Variants in ZFHX3 observed in about 807,000 individuals in gnomAD.
The protein encoded by ZFHX3 is zinc finger homeobox 3.
Under a neutral mutation model 279.1 loss-of-function variants are expected in ZFHX3, and 42 were observed. The ratio of observed to expected loss-of-function variants is 0.15; its 90% confidence interval spans 0.12 to 0.19. ZFHX3 has a LOEUF of 0.19. Among genes scored for constraint, ZFHX3 ranks in the 10% least tolerant of loss-of-function variants. ZFHX3 has a pLI of 1.00. For synonymous variants in ZFHX3, 2,293 were observed against 1,957.8 expected (o/e 1.17, Z -4.52); for missense variants, 4,981 against 4,754.0 (o/e 1.05, Z -1.40).
chr16:73,196,707 A>G (rs1968156462), intron 5 of ZFHX3, among the ~76,000 whole-genome samples: 1 of 152,194 alleles, frequency 6.6e-6, no homozygotes, highest in African/African-American at 2.4e-5. Context: ...TCCACTCCTT[A>G]TAATGACATC....
chr16:73,690,608 C>T (rs539307409), intron 1 of ZFHX3, among the ~76,000 whole-genome samples: 16 of 152,322 alleles, frequency 1.1e-4, no homozygotes, highest in African/African-American at 3.8e-4. Context: ...GTGTCTATTT[C>T]TTCACCCCTT....
intron 3 of ZFHX3, among the ~76,000 whole-genome samples, chr16:73,413,632 C>G (rs2017513380): frequency 6.6e-6 from 1 of 152,190 alleles, no homozygotes; most frequent in Admixed American, 6.5e-5. Flanking sequence ...CTCAAGAACT[C>G]TCCCAGATCT....
chr16:73,859,409 G>A (rs1961823526), intron 1 of ZFHX3, among the ~76,000 whole-genome samples: 2 of 152,146 alleles, frequency 1.3e-5, no homozygotes. Flanking sequence ...CTTGACTCCT[G>A]TCTCTCTCTG....
chr16:73,850,851 A>G (rs1221183030), intron 1 of ZFHX3, among the ~76,000 whole-genome samples: 5 of 152,132 alleles, frequency 3.3e-5, no homozygotes, highest in Non-Finnish European at 1.5e-5. Flanking sequence ...TAACCAGTAA[A>G]AGAGACTCCA....
Position 73,649,465 on chromosome 16 carries a change from A to G in ZFHX3, c.-1547+30715T>C, listed in dbSNP as rs895252157. 1.1e-3 allele frequency among the ~76,000 whole-genome samples: 167 copies of G among 152,334 alleles called. 1 individual carries two copies. The highest frequency in any genetic ancestry group is 3.8e-3 in the African/African-American group (158 of 41,592). ...AAATACAGAGTGTGTATATGCATAA[A>G]GAGTTTGGAAGGATTTTCAAGTGAT... On this transcript the variant is annotated intron_variant, in intron 2 of 17. Transcript: ENST00000641206.
intron 4 of ZFHX3, among the ~76,000 whole-genome samples, chr16:72,832,731 C>A (rs1248979850): frequency 6.6e-6 from 1 of 151,848 alleles, no homozygotes; most frequent in African/African-American, 2.4e-5. Context: ...CCAGGACCTA[C>A]AGGTGTCGCC....
chr16:72,963,913 C>T (rs575764301), intron 1 of ZFHX3, among the ~76,000 whole-genome samples: 1 of 152,286 alleles, frequency 6.6e-6, no homozygotes. Flanking sequence ...TTAGGCAGTC[C>T]TTTCACAAGA....
intron 2 of ZFHX3, chr16:73,504,523 T>C (rs2019290794): frequency 2.0e-5 from 3 of 152,120 alleles, no homozygotes; most frequent in Admixed American, 2.0e-4. Context: ...AGTAGACAAT[T>C]ATCAAAGGGA....
chr16:73,624,458 T>C (rs1416958875), intron 2 of ZFHX3, among the ~76,000 whole-genome samples: 1 of 97,846 alleles, frequency 1.0e-5, no homozygotes, highest in Non-Finnish European at 2.6e-5. Context: ...ACCTGAGACC[T>C]AGAGTCAGGG....
chr16:73,288,532 C>T (rs2014687512), intron 4 of ZFHX3, among the ~76,000 whole-genome samples: 1 of 152,144 alleles, frequency 6.6e-6, no homozygotes, highest in African/African-American at 2.4e-5. Context: ...AAAGGCCGTG[C>T]GTCTAGGCTC....
intron 3 of ZFHX3, among the ~76,000 whole-genome samples, chr16:73,335,408 G>T (rs527680982): frequency 6.6e-6 from 1 of 152,162 alleles, no homozygotes; most frequent in Non-Finnish European, 1.5e-5. Context: ...CTTTTACCCC[G>T]TGTAACTTTG....
chr16:73,766,411 C>G (rs2053944317), intron 1 of ZFHX3, among the ~76,000 whole-genome samples: 1 of 152,156 alleles, frequency 6.6e-6, no homozygotes, highest in Non-Finnish European at 1.5e-5. Flanking sequence ...CATACTGGAT[C>G]TTTCTGGGTA....
intron 3 of ZFHX3, among the ~76,000 whole-genome samples, chr16:73,357,443 C>T (rs2016362428): frequency 6.6e-6 from 1 of 152,066 alleles, no homozygotes. Flanking sequence ...GAGATGGCAA[C>T]TAAGAAGAGT....
At chr16:72,887,908 C>T (rs73590752) in intron 4 of ZFHX3, among the ~76,000 whole-genome samples, 5,048 of 151,864 alleles carry the variant, frequency 0.033, 270 homozygotes, top group African/African-American at 0.11. Flanking sequence ...TATGAGGTAT[C>T]GGGCTGGTGT....
At chr16:73,492,654 A>G (rs1373360996) in intron 2 of ZFHX3, among the ~76,000 whole-genome samples, 1 of 152,236 alleles carries the variant, frequency 6.6e-6, no homozygotes, top group Non-Finnish European at 1.5e-5. Flanking sequence ...TTGAAGGTTA[A>G]ATATCACATA....
At chr16:73,809,797 C>G (rs193020360) in intron 1 of ZFHX3, 1 of 152,134 alleles carries the variant, frequency 6.6e-6, no homozygotes, top group East Asian at 1.9e-4. Context: ...ACAAAAAACT[C>G]CATTACCTAA....
intron 1 of ZFHX3, among the ~76,000 whole-genome samples, chr16:73,886,133 A>T (rs1040777853): frequency 3.3e-5 from 5 of 152,200 alleles, no homozygotes; most frequent in African/African-American, 1.2e-4. Flanking sequence ...GAGCCCAGAA[A>T]ATAAAAGACT....
At chr16:73,288,979 A>G (rs2014703075) in intron 4 of ZFHX3, among the ~76,000 whole-genome samples, 1 of 146,684 alleles carries the variant, frequency 6.8e-6, no homozygotes, top group Non-Finnish European at 1.5e-5. Context: ...TTTATGATCT[A>G]GGATGCTGTT....
At chr16:73,484,732 T>G (rs1234293633) in intron 2 of ZFHX3, among the ~76,000 whole-genome samples, 1 of 152,210 alleles carries the variant, frequency 6.6e-6, no homozygotes, top group Admixed American at 6.5e-5. Context: ...TTAGCATCTG[T>G]TGGTTTGGCC....
Sources: allele counts gnomAD v4.1 joint callset (sites outside exome capture counted in the v4.1 genomes callset), GRCh38; gene constraint gnomAD v4.1.1; transcripts MANE v1.5; gene names NCBI Gene and HGNC (gene_info 2026-07-23, HGNC 2026-07-21).